ZCCHC7: variants seen among roughly 807,000 people sequenced by gnomAD.
The protein encoded by ZCCHC7 is zinc finger CCHC domain-containing protein 7.
A neutral mutation model predicts 52.0 loss-of-function variants in ZCCHC7; 35 were observed. That is an observed-to-expected ratio of 0.67 (90% confidence interval 0.51 to 0.89). The LOEUF is 0.89. Among genes scored for constraint, ZCCHC7 ranks in the 40% least tolerant of loss-of-function variants. The pLI, the probability that ZCCHC7 is intolerant of heterozygous loss-of-function variation, is 0.00. For synonymous variants in ZCCHC7, 217 were observed against 221.5 expected (o/e 0.98, Z 0.18); for missense variants, 574 against 649.1 (o/e 0.88, Z 1.26).
intron 2 of ZCCHC7, among the ~76,000 whole-genome samples, chr9:37,225,903 A>T (rs920130390): frequency 8.5e-5 from 13 of 152,256 alleles, no homozygotes. Flanking sequence ...ATACATTTCT[A>T]CATTGTACTG....
At chr9:37,178,816 A>G (rs1390108534) in intron 2 of ZCCHC7, among the ~76,000 whole-genome samples, 4 of 152,246 alleles carry the variant, frequency 2.6e-5, no homozygotes, top group East Asian at 1.9e-4. Flanking sequence ...AGAAATGTCA[A>G]CTTGCTAACT....
chr9:37,123,360 A>G lies in ZCCHC7; in HGVS notation c.-22+2737A>G, dbSNP rs187311078. ...CTTAGGCAGACCTTAACCCTGGCATACATAAACTACCTAAATAAGAGAGCA... is the reference window on the plus strand; with the variant it reads ...CTTAGGCAGACCTTAACCCTGGCATGCATAAACTACCTAAATAAGAGAGCA... On this transcript the variant is annotated intron_variant, in intron 1 of 8. Transcript: ENST00000336755. Among the ~76,000 whole-genome samples, 12 of 152,346 alleles carry G rather than the reference A, an allele frequency of 7.9e-5. No homozygotes were observed. In the East Asian group the frequency reaches 2.1e-3, roughly 27 times the overall value.
At position 37,356,969 on chromosome 9, in the gene ZCCHC7, G is replaced by A. The variant is rs1821741158; in HGVS notation, c.1333G>A (p.Glu445Lys). Residue 445 changes from glutamate to lysine, a missense_variant, in exon 9 of 9, where the codon GAA (glutamate) becomes AAA (lysine). This residue lies in a region of ZCCHC7 where 168 missense variants were observed against 171.6 expected (regional missense o/e 0.98). Coordinates refer to ENST00000336755, the MANE Select transcript of ZCCHC7 (RefSeq NM_032226.3). ...KSNRWPQENK[E>K]TQKEMKNKNR... is the part of the protein sequence containing the mutation. ...CAACAGGTGGCCTCAAGAAAATAAA[G>A]AAACACAAAAAGAAATGAAGAACAA... 1 of 1,613,354 alleles carries A rather than the reference G, an allele frequency of 6.2e-7. No individual in the cohort carries two copies. Among genetic ancestry groups the A allele is most frequent in the African/African-American group, 1.3e-5 (1 of 74,816 alleles).
chr9:37,212,970 TA>T (rs1824320120), intron 2 of ZCCHC7, among the ~76,000 whole-genome samples: 1 of 152,200 alleles, frequency 6.6e-6, no homozygotes, highest in Non-Finnish European at 1.5e-5. Flanking sequence ...GACTTTTTAA[TA>T]GCTGTAATTA....
chr9:37,147,379 C>G (rs891477523), intron 2 of ZCCHC7: 3 of 151,800 alleles, frequency 2.0e-5, no homozygotes, highest in Non-Finnish European at 4.4e-5. Flanking sequence ...CTAGCAAATA[C>G]AGAAAGAGAG....
chr9:37,285,879 A>G (rs148502848), intron 2 of ZCCHC7, among the ~76,000 whole-genome samples: 1 of 152,220 alleles, frequency 6.6e-6, no homozygotes, highest in African/African-American at 2.4e-5. Context: ...GTCTCCTTAC[A>G]TCCTGGTGTA....
chr9:37,292,271 T>C (rs1828575636), intron 2 of ZCCHC7, among the ~76,000 whole-genome samples: 1 of 152,214 alleles, frequency 6.6e-6, no homozygotes, highest in African/African-American at 2.4e-5. Flanking sequence ...TAGTGAATGG[T>C]GAAAACTATT....
intron 3 of ZCCHC7, among the ~76,000 whole-genome samples, chr9:37,303,431 A>T (rs1232800506): frequency 6.6e-6 from 1 of 151,748 alleles, no homozygotes; most frequent in African/African-American, 2.4e-5. Flanking sequence ...GTCTCAAAAA[A>T]AAAAAAAGAA....
intron 2 of ZCCHC7, among the ~76,000 whole-genome samples, chr9:37,248,762 C>CT (rs1402078580): frequency 6.6e-6 from 1 of 152,182 alleles, no homozygotes; most frequent in Non-Finnish European, 1.5e-5. Flanking sequence ...ATACTGAATA[C>CT]TTTCCTGATT....
At chr9:37,266,482 G>A (rs1004774325) in intron 2 of ZCCHC7, among the ~76,000 whole-genome samples, 1 of 152,098 alleles carries the variant, frequency 6.6e-6, no homozygotes, top group East Asian at 1.9e-4. Flanking sequence ...TTAAAATACA[G>A]CTTTAAAAAT....
At chr9:37,241,128 T>C (rs940833233) in intron 2 of ZCCHC7, among the ~76,000 whole-genome samples, 2 of 151,748 alleles carry the variant, frequency 1.3e-5, no homozygotes, top group African/African-American at 4.8e-5. Context: ...GTCAAAGATA[T>C]TTTTCTTGTT....
chr9:37,245,549 G>A (rs547784167), intron 2 of ZCCHC7, among the ~76,000 whole-genome samples: 1 of 152,096 alleles, frequency 6.6e-6, no homozygotes, highest in African/African-American at 2.4e-5. Flanking sequence ...TTGCCTAAGA[G>A]TAACTAGTTC....
At chr9:37,176,137 G>C (rs372621182) in intron 2 of ZCCHC7, among the ~76,000 whole-genome samples, 3 of 152,072 alleles carry the variant, frequency 2.0e-5, no homozygotes, top group Non-Finnish European at 4.4e-5. Flanking sequence ...CCAGTGGCTC[G>C]ATCTTGGCTC....
chr9:37,290,210 T>C (rs1828468171), intron 2 of ZCCHC7, among the ~76,000 whole-genome samples: 1 of 152,246 alleles, frequency 6.6e-6, no homozygotes, highest in Non-Finnish European at 1.5e-5. Context: ...TTGCAAATGA[T>C]AGTAACTGAG....
intron 2 of ZCCHC7, among the ~76,000 whole-genome samples, chr9:37,171,344 T>C (rs887334954): frequency 2.0e-5 from 3 of 152,232 alleles, no homozygotes; most frequent in Non-Finnish European, 4.4e-5. Context: ...TTAGCTTGTT[T>C]GTGAGTGCTG....
At chr9:37,289,916 G>A (rs906907319) in intron 2 of ZCCHC7, among the ~76,000 whole-genome samples, 6 of 152,154 alleles carry the variant, frequency 3.9e-5, no homozygotes, top group Non-Finnish European at 8.8e-5. Context: ...TACCGCAGAA[G>A]TACATGGCTA....
chr9:37,177,806 C>G (rs1013511664), intron 2 of ZCCHC7, among the ~76,000 whole-genome samples: 4 of 151,890 alleles, frequency 2.6e-5, no homozygotes, highest in Admixed American at 2.0e-4. Flanking sequence ...TTGGGACATT[C>G]TGTAGAATAC....
intron 2 of ZCCHC7, among the ~76,000 whole-genome samples, chr9:37,298,207 T>G (rs1828872397): frequency 6.6e-6 from 1 of 152,314 alleles, no homozygotes; most frequent in Non-Finnish European, 1.5e-5. Flanking sequence ...TAATTGTCTG[T>G]ATGTGTAATA....
chr9:37,167,058 C>T (rs962188948), intron 2 of ZCCHC7, among the ~76,000 whole-genome samples: 3 of 152,098 alleles, frequency 2.0e-5, no homozygotes, highest in Non-Finnish European at 4.4e-5. Context: ...TTTTTTGGCC[C>T]TCTTTGGAGA....
Sources: allele counts gnomAD v4.1 joint callset (sites outside exome capture counted in the v4.1 genomes callset), GRCh38; gene constraint gnomAD v4.1.1; regional missense constraint gnomAD v4.1.1; transcripts MANE v1.5; gene names NCBI Gene and HGNC (gene_info 2026-07-23, HGNC 2026-07-21).